Variants in FUT9 observed in about 807,000 individuals in gnomAD.
FUT9 encodes 4-galactosyl-N-acetylglucosaminide 3-alpha-L-fucosyltransferase 9.
FUT9 carries 15 observed loss-of-function variants against 29.7 expected under a neutral mutation model. The observed-to-expected ratio is 0.51, with a 90% CI of 0.34 to 0.78. The LOEUF is 0.78. FUT9 is among the 30% of genes least tolerant of loss of function. The pLI is 0.01. For synonymous variants in FUT9, 169 were observed against 153.7 expected, an observed-to-expected ratio of 1.10 and a Z score of -0.74; for missense variants, 319 against 425.4, an observed-to-expected ratio of 0.75 and a Z score of 2.20.
chr6:96,171,292 G>C (rs1041166576), intron 2 of FUT9, among the ~76,000 whole-genome samples: 2 of 152,176 alleles, frequency 1.3e-5, no homozygotes, highest in African/African-American at 4.8e-5. Flanking sequence ...TAACTGCCCT[G>C]CTCTTCTGGG....
intron 2 of FUT9, among the ~76,000 whole-genome samples, chr6:96,126,365 G>T (rs1042803373): frequency 6.6e-6 from 1 of 152,120 alleles, no homozygotes; most frequent in African/African-American, 2.4e-5. Context: ...TAAACAACCA[G>T]CTCTAGAGCA....
rs952784022 is a variant in FUT9, at chr6:96,206,889, T to C, written c.*2654T>C. On this transcript the variant is annotated 3_prime_UTR_variant, in exon 3 of 3. Transcript: ENST00000302103. Reference sequence around the variant, plus strand: ...GAAAGACCTAAAGGCAGTGTCTCTATTGTTGACTACAAATGTAGGCTCTTT... The same window carrying C: ...GAAAGACCTAAAGGCAGTGTCTCTACTGTTGACTACAAATGTAGGCTCTTT... 1.8e-5 allele frequency: 3 copies of C among 167,066 alleles called. No homozygotes were observed. The highest frequency in any genetic ancestry group is 7.2e-5 in the African/African-American group (3 of 41,434). 10.3% of individuals were successfully genotyped at this position (167,066 alleles called of 1,614,324 possible).
At position 96,171,433 on chromosome 6, in the gene FUT9, G is replaced by A. The variant is rs141291280; in HGVS notation, c.-8-31715G>A. On this transcript the variant is annotated intron_variant, in intron 2 of 2. Coordinates refer to ENST00000302103, the MANE Select transcript of FUT9 (RefSeq NM_006581.4). The stretch of plus-strand genomic sequence containing the variant: ...CACAGCTAGTGGAGGGCTGAATGGA[G>A]GCCATCACACCACATAAACAGGGGC... 1.3e-3 allele frequency among the ~76,000 whole-genome samples: 205 copies of A among 152,256 alleles called. 1 individual carries two copies. The highest frequency in any genetic ancestry group is 4.0e-3 in the African/African-American group (168 of 41,540).
chr6:96,158,950 A>G (rs1419470152), intron 2 of FUT9, among the ~76,000 whole-genome samples: 1 of 152,196 alleles, frequency 6.6e-6, no homozygotes, highest in African/African-American at 2.4e-5. Context: ...CAGGTAAATG[A>G]CATTGTAAAC....
At chr6:96,076,576 A>G (rs1426183610) in intron 1 of FUT9, among the ~76,000 whole-genome samples, 7 of 152,186 alleles carry the variant, frequency 4.6e-5, no homozygotes, top group East Asian at 1.9e-4. Context: ...TGAAAATGGA[A>G]CTGCTGAGAA....
intron 1 of FUT9, among the ~76,000 whole-genome samples, chr6:96,036,163 T>C (rs1003502205): frequency 6.7e-5 from 10 of 148,490 alleles, no homozygotes; most frequent in Admixed American, 2.1e-4. Context: ...AGATTTCTTA[T>C]ATATTTTGAG....
rs1441592481 is a variant in FUT9 at position 96,207,088 on chromosome 6, A to G, written c.*2853A>G. 1 of 166,980 alleles carries G rather than the reference A, an allele frequency of 6.0e-6. No homozygotes were observed. Among genetic ancestry groups the G allele is most frequent in the Non-Finnish European group, 1.5e-5 (1 of 68,110 alleles). The allele number at this position is 166,980 out of a possible 1,614,324, so 10.3% of individuals were successfully genotyped here. On this transcript the variant is annotated 3_prime_UTR_variant, in exon 3 of 3. Transcript: ENST00000302103. ...GAACCCTTTAGCTGTGGGTCCATTG[A>G]TGTGTGAGTTTTAGAGCTGGAAGGA... is the stretch of plus-strand genomic sequence containing the variant.
At chr6:96,128,016 A>T (rs767138050) in intron 2 of FUT9, among the ~76,000 whole-genome samples, 5 of 152,074 alleles carry the variant, frequency 3.3e-5, no homozygotes, top group Non-Finnish European at 7.4e-5. Context: ...TGCTGTGTAG[A>T]AGCTCTTTAT....
intron 2 of FUT9, among the ~76,000 whole-genome samples, chr6:96,135,631 A>C (rs1772334373): frequency 6.6e-6 from 1 of 151,820 alleles, no homozygotes; most frequent in African/African-American, 2.4e-5. Flanking sequence ...AGTTTCAGGA[A>C]AAAAAAGGTA....
chr6:96,163,422 T>C (rs545474004), intron 2 of FUT9, among the ~76,000 whole-genome samples: 3 of 152,086 alleles, frequency 2.0e-5, no homozygotes, highest in Admixed American at 6.6e-5. Flanking sequence ...GCAGACAAGA[T>C]TGAAAATCTA....
chr6:96,215,342 C>T lies in FUT9; in HGVS notation c.*11107C>T, dbSNP rs576486928. The T allele has an allele frequency of 6.0e-6, 1 of 166,994 alleles. No individual in the cohort carries two copies. The highest frequency in any genetic ancestry group is 2.1e-4 in the South Asian group (1 of 4,826). 10.3% of individuals were successfully genotyped at this position (166,994 alleles called of 1,614,324 possible). On this transcript the variant is annotated 3_prime_UTR_variant, in exon 3 of 3. Coordinates refer to ENST00000302103, the MANE Select transcript of FUT9 (RefSeq NM_006581.4). Reference sequence around the variant, plus strand: ...GGCTTATAAATATATGGTGTGATTGCTATAATTTTGTGAAATTTTATTCAG... The same window carrying T: ...GGCTTATAAATATATGGTGTGATTGTTATAATTTTGTGAAATTTTATTCAG...
intron 1 of FUT9, among the ~76,000 whole-genome samples, chr6:96,023,673 A>G (rs1770112671): frequency 6.6e-6 from 1 of 151,910 alleles, no homozygotes. Context: ...CAGTTACATG[A>G]ATAGTTGGGA....
intron 2 of FUT9, among the ~76,000 whole-genome samples, chr6:96,162,067 C>G (rs1163011769): frequency 6.6e-6 from 1 of 152,042 alleles, no homozygotes; most frequent in Non-Finnish European, 1.5e-5. Flanking sequence ...CATTTTTCTG[C>G]TTAAATTTTT....
chr6:96,118,241 A>C (rs1433969578), intron 2 of FUT9, among the ~76,000 whole-genome samples: 1 of 151,934 alleles, frequency 6.6e-6, no homozygotes, highest in African/African-American at 2.4e-5. Flanking sequence ...TGGACTGGGA[A>C]ATCATTATTG....
At chr6:96,064,428 C>T (rs1025135443) in intron 1 of FUT9, among the ~76,000 whole-genome samples, 1 of 152,052 alleles carries the variant, frequency 6.6e-6, no homozygotes, top group African/African-American at 2.4e-5. Flanking sequence ...GAGAATGTGA[C>T]TGACTTGCAG....
chr6:96,194,850 T>C (rs1385651431), intron 2 of FUT9, among the ~76,000 whole-genome samples: 3 of 152,122 alleles, frequency 2.0e-5, no homozygotes, highest in African/African-American at 7.2e-5. Context: ...GCAAGGCACC[T>C]CCTGGCCCTG....
At chr6:96,093,423 G>A (rs911095258) in intron 1 of FUT9, among the ~76,000 whole-genome samples, 2 of 152,024 alleles carry the variant, frequency 1.3e-5, no homozygotes, top group African/African-American at 4.8e-5. Context: ...CTCTACCTGA[G>A]TGACAGGATA....
rs3811069 is a variant in FUT9, at chr6:96,203,864, A to G, written c.709A>G (p.Thr237Ala). 0.98 allele frequency: 1,581,102 copies of G among 1,611,294 alleles called. 779,117 individuals are homozygous for G. Among genetic ancestry groups the G allele is most frequent in the Non-Finnish European group, 1 (1,176,308 of 1,177,922 alleles). ...TAAAAATTTGATTCCTACCATATCT[A>G]CTTGTAAATTTTATCTTTCCTTTGA... ...NDKNLIPTIS[T>A]CKFYLSFENS... is the part of the protein sequence containing the mutation. Residue 237 changes from threonine (T) to alanine (A), a missense_variant, in exon 3 of 3, where the codon ACT (threonine) becomes GCT (alanine). Physicochemically the swap from Thr to Ala is moderately conservative, Grantham distance 58. Coordinates refer to ENST00000302103, the MANE Select transcript of FUT9 (RefSeq NM_006581.4).
intron 1 of FUT9, among the ~76,000 whole-genome samples, chr6:96,062,547 T>G (rs1353829987): frequency 2.6e-5 from 4 of 152,076 alleles, no homozygotes; most frequent in Non-Finnish European, 5.9e-5. Flanking sequence ...TTTTTCCCCA[T>G]GCATGTGTAT....
Sources: allele counts gnomAD v4.1 joint callset (sites outside exome capture counted in the v4.1 genomes callset), GRCh38; gene constraint gnomAD v4.1.1; transcripts MANE v1.5; gene names NCBI Gene and HGNC (gene_info 2026-07-23, HGNC 2026-07-21).